SFTPA2: variants seen among roughly 807,000 people sequenced by gnomAD.
SFTPA2 encodes the protein surfactant protein A2.
In SFTPA2, 21 loss-of-function variants were observed where a neutral mutation model predicts 20.3. The ratio of observed to expected loss-of-function variants is 1.03; its 90% confidence interval spans 0.73 to 1.49. The LOEUF (loss-of-function observed/expected upper bound fraction) is 1.49. Among genes scored for constraint, SFTPA2 ranks in the 40% most tolerant of loss-of-function variants. SFTPA2 has a pLI of 0.00. For missense variants in SFTPA2, 302 were observed against 314.8 expected, an observed-to-expected ratio of 0.96 and a Z score of 0.31; for synonymous variants, 116 against 118.7, an observed-to-expected ratio of 0.98 and a Z score of 0.15.
At chr10:79,559,797 T>C in intron 2 of SFTPA2, 172 bp downstream of exon 2, 2 of 1,426,262 alleles carry the variant, frequency 1.4e-6, no homozygotes, top group Non-Finnish European at 1.9e-6. Flanking sequence ...CAGTCTCCTT[T>C]CTTTCAGTGC....
chr10:79,559,346 C>T lies in SFTPA2; in HGVS notation c.138G>A (p.Gly46=), dbSNP rs746354270. The change falls in exon 3 of 6, where the codon GGG becomes GGA. Residue 46 remains glycine, a synonymous_variant. Coordinates refer to ENST00000372325, the MANE Select transcript of SFTPA2 (RefSeq NM_001098668.4). The part of the protein sequence containing the change: ...PGSHGLPGRD[G]RDGVKGDPGP... ...CAGGGTCTCCTTTGACACCATCTCT[C>T]CCGTCCCTGCCTGGCAGGCCGTGGG... The T allele has an allele frequency of 2.3e-5, 37 of 1,613,876 alleles. No individual in the cohort carries two copies. Among genetic ancestry groups the T allele is most frequent in the South Asian group, 5.5e-5 (5 of 91,066 alleles).
chr10:79,559,804 G>A, intron 2 of SFTPA2, 165 bp downstream of exon 2: 2 of 1,413,730 alleles, frequency 1.4e-6, no homozygotes, highest in Non-Finnish European at 1.9e-6. Context: ...CTTTCTTTCA[G>A]TGCCTCACTA....
rs1488359005 is a variant in SFTPA2 at position 79,558,779 on chromosome 10, G to GC, written c.292+106dup. ...TTCTCTTACTTAGGTTGAGCCAAAT[G>GC]CCCTTGGGGAACCTGCAGGGTTTGT... On this transcript the variant is annotated intron_variant, in intron 4 of 5. Coordinates refer to ENST00000372325, the MANE Select transcript of SFTPA2 (RefSeq NM_001098668.4). 24 of 1,582,294 alleles carry GC rather than the reference G, an allele frequency of 1.5e-5. No homozygotes were observed. In the Admixed American group the frequency reaches 3.7e-4, roughly 24 times the overall value.
chr10:79,560,104 T>C, intron 1 of SFTPA2, 106 bp from the exon 2 acceptor site: 2 of 900,310 alleles, frequency 2.2e-6, no homozygotes, highest in Non-Finnish European at 2.7e-6. Flanking sequence ...TCCTTCCTCT[T>C]GGGGTCTGTT....
intron 4 of SFTPA2, among the ~76,000 whole-genome samples, chr10:79,558,518 G>A (rs61860559): frequency 0.028 from 4,294 of 151,588 alleles, 129 homozygotes; most frequent in African/African-American, 0.071. Flanking sequence ...CTGTCTGTGG[G>A]GCTCCTGATC....
chr10:79,560,090 G>T (rs775101006), intron 1 of SFTPA2, 92 bp from the exon 2 acceptor site: 113 of 967,732 alleles, frequency 1.2e-4, no homozygotes, highest in Non-Finnish European at 1.4e-4. Flanking sequence ...CAGTGATGAG[G>T]TCTTCCTTCC....
chr10:79,559,222 T>A, intron 3 of SFTPA2, 90 bp downstream of exon 3: 1 of 1,589,562 alleles, frequency 6.3e-7, no homozygotes. Context: ...CCCAGCTCAC[T>A]ATGGCCCACA....
rs372666657 is a variant in SFTPA2 at position 79,558,696 on chromosome 10, C to T, written c.292+190G>A. Among the ~76,000 whole-genome samples, 179 of 152,282 alleles carry T rather than the reference C, an allele frequency of 1.2e-3. 2 individuals carry two copies. The highest frequency in any genetic ancestry group is 7.7e-3 in the East Asian group (40 of 5,174). On this transcript the variant is annotated intron_variant, in intron 4 of 5. Coordinates refer to ENST00000372325, the MANE Select transcript of SFTPA2 (RefSeq NM_001098668.4). ...GCACGGAGGACTTCCCACACCTGCC[C>T]TTCTCTGAATTGTGACCACACTCCC...
At chr10:79,557,642 C>T in intron 5 of SFTPA2, 57 bp from the exon 6 acceptor site, 1 of 1,606,746 alleles carries the variant, frequency 6.2e-7, no homozygotes, top group Non-Finnish European at 8.5e-7. Context: ...AAGCCACCTC[C>T]CTCACCTAGG....
At position 79,557,301 on chromosome 10, in the gene SFTPA2, G is replaced by C; in HGVS notation, c.655C>G (p.Arg219Gly). The change falls in exon 6 of 6, where the codon CGG becomes GGG. Residue 219 changes from arginine to glycine, a missense_variant. Physicochemically the swap from Arg to Gly is moderately radical, Grantham distance 125. Transcript: ENST00000372325. ...ATCTCCACACACTGCTCTTTTCCCCGACCTGCAGGCTCCCCTCGGTACCAG... is the reference window on the plus strand; with the variant it reads ...ATCTCCACACACTGCTCTTTTCCCCCACCTGCAGGCTCCCCTCGGTACCAG... Reference protein sequence around the residue: ...TNWYRGEPAGRGKEQCVEMYT... With the variant: ...TNWYRGEPAGGGKEQCVEMYT... 1 of 1,614,060 alleles carries C rather than the reference G, an allele frequency of 6.2e-7. No individual in the cohort carries two copies. Among genetic ancestry groups the C allele is most frequent in the South Asian group, 1.1e-5 (1 of 91,078 alleles).
chr10:79,560,134 G>A, intron 1 of SFTPA2, 136 bp from the exon 2 acceptor site: 1 of 589,708 alleles, frequency 1.7e-6, no homozygotes, highest in African/African-American at 2.0e-5. Context: ...CCCCTGCTTA[G>A]GCCCTGCTGA....
Position 79,558,277 on chromosome 10 carries a change from C to T in SFTPA2, c.293-148G>A, listed in dbSNP as rs17879358. The T allele has an allele frequency of 1.2e-4, 181 of 1,550,324 alleles. 3 individuals carry two copies. The South Asian group carries it at 1.7e-3, about 14-fold the overall frequency. The stretch of plus-strand genomic sequence containing the variant: ...CCAGACCCTAGGCTCAGAGGGTCCA[C>T]GAGATTCCAGTGTGTCTCCACACCC... On this transcript the variant is annotated intron_variant, in intron 4 of 5. Coordinates refer to ENST00000372325, the MANE Select transcript of SFTPA2 (RefSeq NM_001098668.4).
rs141128146 is a variant in SFTPA2, at chr10:79,559,323, G to C, written c.161C>G (p.Pro54Arg). 22 of 1,613,710 alleles carry C rather than the reference G, an allele frequency of 1.4e-5. No homozygotes were observed. The African/African-American group carries it at 1.7e-4, about 13-fold the overall frequency. ...RDGRDGVKGD[P>R]GPPGPMGPPG... ...CTGCAGCACAGTACCTGGAGGGCCA[G>C]GGTCTCCTTTGACACCATCTCTCCC... Residue 54 changes from proline to arginine, a missense_variant, in exon 3 of 6, where the codon CCT becomes CGT. Physicochemically the swap from Pro to Arg is moderately radical, Grantham distance 103. Coordinates refer to ENST00000372325, the MANE Select transcript of SFTPA2 (RefSeq NM_001098668.4).
chr10:79,557,539 G>A lies in SFTPA2; in HGVS notation c.417C>T (p.Phe139=). 6.2e-7 allele frequency: 1 copy of A among 1,612,800 alleles called. No individual in the cohort carries two copies. The highest frequency in any genetic ancestry group is 2.2e-5 in the East Asian group (1 of 44,824). The part of the protein sequence containing the change: ...GSIMTVGEKV[F]SSNGQSITFD... ...AAGTGATGGACTGCCCATTGCTGGAGAAGACCTTCTCTCCTACTGTCATTA... is the reference window on the plus strand; with the variant it reads ...AAGTGATGGACTGCCCATTGCTGGAAAAGACCTTCTCTCCTACTGTCATTA... Residue 139 remains phenylalanine (F), a synonymous_variant, in exon 6 of 6, where the codon TTC becomes TTT. Coordinates refer to ENST00000372325, the MANE Select transcript of SFTPA2 (RefSeq NM_001098668.4).
At chr10:79,558,640 G>A (rs1199306083) in intron 4 of SFTPA2, among the ~76,000 whole-genome samples, 2 of 152,086 alleles carry the variant, frequency 1.3e-5, no homozygotes, top group South Asian at 2.1e-4. Context: ...TCCCACACCT[G>A]ACTCAGTGTG....
In SFTPA2 at chr10:79,557,318, C is replaced by T. The variant is rs772763359; in HGVS notation, c.638G>A (p.Arg213Gln). The change falls in exon 6 of 6, where the codon CGA becomes CAA. Residue 213 changes from arginine to glutamine, a missense_variant. This residue lies in a region of SFTPA2 where 264 missense variants were observed against 261.7 expected (regional missense o/e 1.01). Coordinates refer to ENST00000372325, the MANE Select transcript of SFTPA2 (RefSeq NM_001098668.4). ...GTPVNYTNWY[R>Q]GEPAGRGKEQ... Reference sequence around the variant, plus strand: ...TTTTCCCCGACCTGCAGGCTCCCCTCGGTACCAGTTGGTGTAGTTTACAGG... The same window carrying T: ...TTTTCCCCGACCTGCAGGCTCCCCTTGGTACCAGTTGGTGTAGTTTACAGG... 1.1e-5 allele frequency: 18 copies of T among 1,613,394 alleles called. No homozygotes were observed. The highest frequency in any genetic ancestry group is 3.3e-4 in the Middle Eastern group (2 of 6,084).
At chr10:79,559,139 G>A in intron 3 of SFTPA2, 134 bp from the exon 4 acceptor site, 2 of 1,588,808 alleles carry the variant, frequency 1.3e-6, no homozygotes, top group Admixed American at 3.3e-5. Context: ...AGACTCTCCA[G>A]GATGCGCCAT....
chr10:79,557,532 T>C lies in SFTPA2; in HGVS notation c.424A>G (p.Asn142Asp). ...GCATCAAAAGTGATGGACTGCCCAT[T>C]GCTGGAGAAGACCTTCTCTCCTACT... ...MTVGEKVFSS[N>D]GQSITFDAIQ... Residue 142 changes from asparagine to aspartate, a missense_variant, in exon 6 of 6, where the codon AAT (asparagine) becomes GAT (aspartate). By Grantham distance (23) the Asn-to-Asp change is conservative (BLOSUM62 1). Coordinates refer to ENST00000372325, the MANE Select transcript of SFTPA2 (RefSeq NM_001098668.4). 1 of 1,613,154 alleles carries C rather than the reference T, an allele frequency of 6.2e-7. No individual in the cohort carries two copies. The highest frequency in any genetic ancestry group is 8.5e-7 in the Non-Finnish European group (1 of 1,179,492).
In SFTPA2 at chr10:79,558,873, C is replaced by T. The variant is rs748073201; in HGVS notation, c.292+13G>A. 6.2e-7 allele frequency: 1 copy of T among 1,614,118 alleles called. No homozygotes were observed. Among genetic ancestry groups the T allele is most frequent in the Non-Finnish European group, 8.5e-7 (1 of 1,180,004 alleles). On this transcript the variant is annotated intron_variant, in intron 4 of 5. Transcript: ENST00000372325. The stretch of plus-strand genomic sequence containing the variant: ...CCCATGTTTCCACTGCCCACCTGCC[C>T]CGCCCTGCTCACCTGGAGGGCCTCT...
Sources: gnomAD v4.1 joint callset for allele counts (sites outside exome capture counted in the v4.1 genomes callset) on GRCh38, gnomAD v4.1.1 for gene constraint, gnomAD v4.1.1 regional missense constraint, MANE v1.5 for transcripts, NCBI Gene and HGNC (gene_info 2026-07-23, HGNC 2026-07-21) for gene names.